Variants in SPTB observed in about 807,000 individuals in gnomAD.
The protein encoded by SPTB is spectrin beta chain, erythrocytic.
SPTB carries 45 observed loss-of-function variants against 256.2 expected under a neutral mutation model. The observed-to-expected ratio is 0.18, with a 90% CI of 0.14 to 0.23. The LOEUF (loss-of-function observed/expected upper bound fraction) is 0.23. Ranked by LOEUF, SPTB falls within the 10% of genes least tolerant of loss-of-function variation. The probability of loss-of-function intolerance (pLI) is 1.00; values close to 1 mark genes in which losing one functional copy is unlikely to be tolerated. For missense variants in SPTB, 2,715 were observed against 3,040.4 expected (o/e 0.89, Z 2.52); for synonymous variants, 1,231 against 1,243.1 (o/e 0.99, Z 0.21).
chr14:64,797,505 A>C, intron 10 of SPTB, among the ~76,000 whole-genome samples: 1 of 97,854 alleles, frequency 1.0e-5, no homozygotes. Context: ...AAAAAAAAGG[A>C]CTCAGGGATG....
chr14:64,865,796 C>G (rs1418059968), intron 1 of SPTB, among the ~76,000 whole-genome samples: 1 of 152,214 alleles, frequency 6.6e-6, no homozygotes, highest in Admixed American at 6.5e-5. Flanking sequence ...CTGGCTTCCT[C>G]TCCCAGAGCA....
intron 1 of SPTB, among the ~76,000 whole-genome samples, chr14:64,846,626 A>G (rs919181260): frequency 6.6e-6 from 1 of 152,256 alleles, no homozygotes. Flanking sequence ...GGCAAGAAAG[A>G]CAGTGTCTCC....
intron 32 of SPTB, chr14:64,755,589 G>A (rs2082007530): frequency 6.6e-6 from 1 of 152,196 alleles, no homozygotes; most frequent in South Asian, 2.1e-4. Context: ...GAGGTCAAGT[G>A]ACTTGCCCAA....
chr14:64,772,790 G>A lies in SPTB; in HGVS notation c.5343C>T (p.Asp1781=), dbSNP rs2139503489. The A allele has an allele frequency of 1.2e-6, 2 of 1,614,004 alleles. No individual in the cohort carries two copies. The highest frequency in any genetic ancestry group is 1.6e-4 in the Middle Eastern group (1 of 6,062). Residue 1781 remains aspartate, a synonymous_variant, in exon 26 of 36, where the codon GAC becomes GAT. Transcript: ENST00000644917. The surrounding 1 kb of genome is among the most constrained non-coding windows in gnomAD (Gnocchi z 5.4). ...WKDGLNEMWA[D]LLELIDTRMQ... ...TGCGCGTGTCAATGAGCTCCAGGAG[G>A]TCTGCCCACATCTCGTTCAGCCCGT...
intron 2 of SPTB, among the ~76,000 whole-genome samples, chr14:64,819,148 C>T (rs1379149004): frequency 6.6e-6 from 1 of 152,190 alleles, no homozygotes; most frequent in African/African-American, 2.4e-5. Flanking sequence ...ACCCTTCTTC[C>T]TTTTCACTTT....
At chr14:64,848,283 T>C (rs1474360771) in intron 1 of SPTB, among the ~76,000 whole-genome samples, 1 of 152,224 alleles carries the variant, frequency 6.6e-6, no homozygotes, top group Non-Finnish European at 1.5e-5. Flanking sequence ...TGCTTTTTAT[T>C]GTGGAGACCA....
chr14:64,766,491 T>TG (rs1336388255), intron 32 of SPTB: 5 of 1,443,138 alleles, frequency 3.5e-6, no homozygotes, highest in South Asian at 1.5e-5. Flanking sequence ...GTCACTGGGC[T>TG]GGCCTGTTTC....
chr14:64,766,308 G>A (rs2082181215), intron 32 of SPTB: 2 of 941,656 alleles, frequency 2.1e-6, no homozygotes, highest in Non-Finnish European at 2.7e-6. Flanking sequence ...CTGTGTGTAG[G>A]TGTGGGTGCA....
chr14:64,802,507 T>C lies in SPTB; in HGVS notation c.475-190A>G, dbSNP rs1419243844. 6.6e-6 allele frequency among the ~76,000 whole-genome samples: 1 copy of C among 152,166 alleles called. No homozygotes were observed. Among genetic ancestry groups the C allele is most frequent in the Admixed American group, 6.5e-5 (1 of 15,280 alleles). On this transcript the variant is annotated intron_variant, in intron 4 of 35. Transcript: ENST00000644917. The surrounding 1 kb of genome is among the most constrained non-coding windows in gnomAD (Gnocchi z 5.1). ...CCCTGCTCCCTGCATTTACATTTCC[T>C]TCTCTCTCCTAGATGCTCCCTGAGC...
At position 64,799,820 on chromosome 14, in the gene SPTB, C is replaced by A; in HGVS notation, c.991G>T (p.Ala331Ser). Residue 331 changes from alanine to serine, a missense_variant, in exon 9 of 36, where the codon GCC (alanine) becomes TCC (serine). Ala to Ser is a moderately conservative substitution (Grantham distance 99). Transcript: ENST00000644917. ...TGCTGGACGCCCGTCAGCGAGTTGG[C>A]AAACTTGCGGCTGTTCAGGACAGTG... The part of the protein sequence containing the change: ...TITVLNSRKF[A>S]NSLTGVQQQL... 6.2e-7 allele frequency: 1 copy of A among 1,614,242 alleles called. No individual in the cohort carries two copies. The highest frequency in any genetic ancestry group is 8.5e-7 in the Non-Finnish European group (1 of 1,180,042).
At chr14:64,831,084 G>C (rs900974865) in intron 1 of SPTB, among the ~76,000 whole-genome samples, 1 of 152,102 alleles carries the variant, frequency 6.6e-6, no homozygotes, top group African/African-American at 2.4e-5. Flanking sequence ...GGAGGGGGCA[G>C]GCAAGATGGG....
At chr14:64,865,853 A>C (rs771098569) in intron 1 of SPTB, among the ~76,000 whole-genome samples, 1 of 152,168 alleles carries the variant, frequency 6.6e-6, no homozygotes, top group Non-Finnish European at 1.5e-5. Flanking sequence ...ACCTGCAAAC[A>C]CCTTCATTCC....
intron 32 of SPTB, chr14:64,755,550 G>T (rs543454281): frequency 6.6e-6 from 1 of 152,274 alleles, no homozygotes; most frequent in South Asian, 2.1e-4. Flanking sequence ...TAATGCTTTC[G>T]ATCTATAATG....
At position 64,772,689 on chromosome 14, in the gene SPTB, T is replaced by C. The variant is rs2082295997; in HGVS notation, c.5444A>G (p.Glu1815Gly). 1 of 1,613,680 alleles carries C rather than the reference T, an allele frequency of 6.2e-7. No homozygotes were observed. Among genetic ancestry groups the C allele is most frequent in the Non-Finnish European group, 8.5e-7 (1 of 1,179,950 alleles). The change falls in exon 26 of 36, where the codon GAG (glutamate) becomes GGG (glycine). Residue 1815 changes from glutamate (E) to glycine (G), a missense_variant. Transcript: ENST00000644917. The surrounding 1 kb of genome is among the most constrained non-coding windows in gnomAD (Gnocchi z 5.4). ...GTCCTCGGGCAGCTCGCGGTGCTTC[T>C]CGTCGATGAGGCCCAGGATCTCGGC... Reference protein sequence around the residue: ...TGAEILGLIDEKHRELPEDVG... With the variant: ...TGAEILGLIDGKHRELPEDVG...
intron 20 of SPTB, 43 bp downstream of exon 20, chr14:64,782,247 C>T (rs546109164): frequency 6.2e-7 from 1 of 1,613,964 alleles, no homozygotes; most frequent in Non-Finnish European, 8.5e-7. Context: ...CTTCCACTAT[C>T]CCTTCTATCC....
At chr14:64,838,648 T>C (rs560470341) in intron 1 of SPTB, among the ~76,000 whole-genome samples, 2 of 152,256 alleles carry the variant, frequency 1.3e-5, no homozygotes, top group South Asian at 4.2e-4. Context: ...TCAAATTCAT[T>C]CGTCATTAGG....
chr14:64,830,553 A>G (rs2083439133), intron 1 of SPTB, among the ~76,000 whole-genome samples: 1 of 151,806 alleles, frequency 6.6e-6, no homozygotes, highest in South Asian at 2.1e-4. Context: ...TTGAGTGTTT[A>G]TTCAATATTT....
Position 64,865,601 on chromosome 14 carries a change from G to A in SPTB, c.-52+14191C>T, listed in dbSNP as rs553028963. The stretch of plus-strand genomic sequence containing the variant: ...TTGGAGTTGCTACATTGAGGACACT[G>A]TACTGAGTACCAACTCTACCATGCA... On this transcript the variant is annotated intron_variant, in intron 1 of 35. Transcript: ENST00000644917. 5.3e-5 allele frequency among the ~76,000 whole-genome samples: 8 copies of A among 152,268 alleles called. No individual in the cohort carries two copies. In the South Asian group the frequency reaches 1.5e-3, roughly 28 times the overall value.
chr14:64,752,116 C>A, intron 33 of SPTB: 1 of 1,201,100 alleles, frequency 8.3e-7, no homozygotes, highest in Non-Finnish European at 1.1e-6. Flanking sequence ...CAAAACAAAA[C>A]ACAAAAAAAG....
Sources: allele counts gnomAD v4.1 joint callset (sites outside exome capture counted in the v4.1 genomes callset), GRCh38; gene constraint gnomAD v4.1.1; non-coding constraint Gnocchi (gnomAD v3.1); transcripts MANE v1.5; gene names NCBI Gene and HGNC (gene_info 2026-07-23, HGNC 2026-07-21).